Variants in DNAH17 observed in about 807,000 individuals in gnomAD.
DNAH17 encodes the protein axonemal beta dynein heavy chain 17.
A neutral mutation model predicts 485.6 loss-of-function variants in DNAH17; 376 were observed. The observed-to-expected ratio is 0.77, with a 90% CI of 0.71 to 0.84. DNAH17 has a LOEUF of 0.84. Ranked by LOEUF, DNAH17 falls within the 40% of genes least tolerant of loss-of-function variation. DNAH17 has a pLI of 0.00. For missense variants in DNAH17, 6,370 were observed against 5,839.3 expected (o/e 1.09, Z -2.96); for synonymous variants, 3,031 against 2,405.9 (o/e 1.26, Z -7.60).
rs651806 is a variant in DNAH17, at chr17:78,428,401, A to G, written c.12588+124T>C. 1,232,201 of 1,240,912 alleles carry G rather than the reference A, an allele frequency of 0.99. 612,222 individuals are homozygous for G. The highest frequency in any genetic ancestry group is 1 in the East Asian group (39,322 of 39,324). The allele number at this position is 1,240,912 out of a possible 1,614,324, so 76.9% of individuals were successfully genotyped here. The stretch of plus-strand genomic sequence containing the variant: ...CCCAGTGTTTCTGATACCCAAGCCC[A>G]AGGCTGGGGCAGAGTGTACCTCACC... On this transcript the variant is annotated intron_variant, in intron 77 of 80. Coordinates refer to ENST00000389840, the MANE Select transcript of DNAH17 (RefSeq NM_173628.4).
chr17:78,465,164 G>T lies in DNAH17; in HGVS notation c.8940+1491C>A, dbSNP rs1017928747. On this transcript the variant is annotated intron_variant, in intron 56 of 80. Transcript: ENST00000389840. ...CCAGGCCAGTCTCCAGCCCCTAACC[G>T]CAAGTGATCCGCCAGCCTCGGCCTC... 8.5e-5 allele frequency among the ~76,000 whole-genome samples: 13 copies of T among 152,332 alleles called. No individual in the cohort carries two copies. In the South Asian group the frequency reaches 2.1e-3, roughly 24 times the overall value.
At chr17:78,470,069 C>CTTTTTTTT (rs34298026) in intron 54 of DNAH17, among the ~76,000 whole-genome samples, 2 of 93,362 alleles carry the variant, frequency 2.1e-5, no homozygotes, top group African/African-American at 4.4e-5. Context: ...ATGTCTTACT[C>CTTTTTTTT]TTTTTTTTTT....
intron 31 of DNAH17, among the ~76,000 whole-genome samples, chr17:78,503,976 C>T (rs1160931974): frequency 7.5e-6 from 1 of 132,452 alleles, no homozygotes; most frequent in Non-Finnish European, 1.6e-5. Context: ...CAAAAACAAA[C>T]AAACAAACAA....
chr17:78,511,810 T>G (rs1455498588), intron 26 of DNAH17, among the ~76,000 whole-genome samples: 1 of 152,184 alleles, frequency 6.6e-6, no homozygotes, highest in African/African-American at 2.4e-5. Flanking sequence ...CATGGAGATA[T>G]TTAGCTGGTT....
chr17:78,569,085 G>A (rs934812404), intron 9 of DNAH17, 81 bp downstream of exon 9: 23 of 1,101,060 alleles, frequency 2.1e-5, no homozygotes, highest in South Asian at 2.0e-4. Flanking sequence ...GGCAAGGGGG[G>A]TAGGGATGGA....
intron 19 of DNAH17, among the ~76,000 whole-genome samples, chr17:78,533,877 G>A (rs1265647840): frequency 6.6e-6 from 1 of 152,008 alleles, no homozygotes; most frequent in East Asian, 1.9e-4. Flanking sequence ...TTAGAGGCGG[G>A]GTTTCACCGT....
At chr17:78,532,808 G>C in intron 19 of DNAH17, 72 bp from the exon 20 acceptor site, 1 of 1,454,564 alleles carries the variant, frequency 6.9e-7, no homozygotes, top group Non-Finnish European at 9.1e-7. Flanking sequence ...TTGTCCTCTC[G>C]GCCTTGAGAA....
At chr17:78,493,958 G>T in intron 41 of DNAH17, 78 bp downstream of exon 41, 3 of 1,512,842 alleles carry the variant, frequency 2.0e-6, no homozygotes, top group African/African-American at 1.4e-5. Flanking sequence ...GGCGGGGAGT[G>T]ATGGAGGGCC....
At chr17:78,525,206 C>T (rs751029336) in intron 24 of DNAH17, 45 bp from the exon 25 acceptor site, 15 of 1,592,918 alleles carry the variant, frequency 9.4e-6, no homozygotes, top group East Asian at 4.5e-5. Context: ...CTACCCTCAG[C>T]GGTGCCCCAC....
Position 78,450,831 on chromosome 17 carries a change from A to T in DNAH17, c.10750T>A (p.Ser3584Thr). 3 of 1,613,954 alleles carry T rather than the reference A, an allele frequency of 1.9e-6. No individual in the cohort carries two copies. Among genetic ancestry groups the T allele is most frequent in the Non-Finnish European group, 2.5e-6 (3 of 1,179,880 alleles). The change falls in exon 67 of 81, where the codon TCT (serine) becomes ACT (threonine). Residue 3584 changes from serine (S) to threonine (T), a missense_variant. Coordinates refer to ENST00000389840, the MANE Select transcript of DNAH17 (RefSeq NM_173628.4). ...AGAACAATCTTAAATTCGTTTTGAG[A>T]CTTGGTGAGGTTTGCCTGCAAGGGG... ...LEQLKANLTK[S>T]QNEFKIVLKE... is the part of the protein sequence containing the mutation.
At chr17:78,445,047 G>A (rs1000632262) in intron 70 of DNAH17, among the ~76,000 whole-genome samples, 2 of 152,150 alleles carry the variant, frequency 1.3e-5, no homozygotes, top group South Asian at 4.1e-4. Flanking sequence ...ATGGGCTAGG[G>A]GCTGCTTCTC....
At chr17:78,468,176 A>T (rs1459067732) in intron 55 of DNAH17, among the ~76,000 whole-genome samples, 4 of 152,116 alleles carry the variant, frequency 2.6e-5, no homozygotes, top group African/African-American at 4.8e-5. Context: ...AAAATAATAA[A>T]AAATAATACA....
rs55701739 is a variant in DNAH17, at chr17:78,554,436, C to CAAAAAA, written c.2179-1637_2179-1632dup. Among the ~76,000 whole-genome samples, 196 of 32,258 alleles carry CAAAAAA rather than the reference C, an allele frequency of 6.1e-3. 36 individuals carry two copies. Among genetic ancestry groups the CAAAAAA allele is most frequent in the Non-Finnish European group, 8.1e-3 (146 of 17,986 alleles). 21.2% of individuals were successfully genotyped at this position (32,258 alleles called of 152,430 possible). On this transcript the variant is annotated intron_variant, in intron 14 of 80. Coordinates refer to ENST00000389840, the MANE Select transcript of DNAH17 (RefSeq NM_173628.4). ...TGGACAATAGAATGAGACTCTGTCT[C>CAAAAAA]AAAAAAAAAAAAAAAAAAAAAAAAA...
At chr17:78,473,360 C>G (rs691800) in intron 54 of DNAH17, among the ~76,000 whole-genome samples, 1 of 151,938 alleles carries the variant, frequency 6.6e-6, no homozygotes, top group Middle Eastern at 3.4e-3. Flanking sequence ...CAGGCTAACA[C>G]GGTGAAACCC....
Position 78,532,525 on chromosome 17 carries a change from G to T in DNAH17, c.3071C>A (p.Thr1024Asn). Reference sequence around the variant, plus strand: ...CAGGGTGGGCGGTGTCTTGGGGATGGTGTCATCTGTCCAGGTGTCCAAGTC... The same window carrying T: ...CAGGGTGGGCGGTGTCTTGGGGATGTTGTCATCTGTCCAGGTGTCCAAGTC... Reference protein sequence around the residue: ...AEDLDTWTDDTIPKTPPTLAQ... With the variant: ...AEDLDTWTDDNIPKTPPTLAQ... Residue 1024 changes from threonine (T) to asparagine (N), a missense_variant, in exon 20 of 81, where the codon ACC becomes AAC. By Grantham distance (65) the Thr-to-Asn change is moderately conservative. Coordinates refer to ENST00000389840, the MANE Select transcript of DNAH17 (RefSeq NM_173628.4). 1 of 1,611,338 alleles carries T rather than the reference G, an allele frequency of 6.2e-7. No homozygotes were observed. The highest frequency in any genetic ancestry group is 8.5e-7 in the Non-Finnish European group (1 of 1,179,120).
chr17:78,550,452 T>C (rs1276120730), intron 16 of DNAH17, among the ~76,000 whole-genome samples: 1 of 152,262 alleles, frequency 6.6e-6, no homozygotes, highest in Non-Finnish European at 1.5e-5. Flanking sequence ...CATTTGGAGA[T>C]GAGAGCTTTA....
At chr17:78,562,047 G>C in intron 11 of DNAH17, 67 bp from the exon 12 acceptor site, 1 of 1,492,402 alleles carries the variant, frequency 6.7e-7, no homozygotes, top group South Asian at 1.4e-5. Flanking sequence ...TGTGGCTGTG[G>C]ACAAAACGGG....
intron 56 of DNAH17, 88 bp from the exon 57 acceptor site, chr17:78,463,165 A>T: frequency 7.9e-7 from 1 of 1,267,296 alleles, no homozygotes; most frequent in South Asian, 1.3e-5. Context: ...GGGGCCCTGG[A>T]CAAGGTGCCC....
chr17:78,492,400 T>C (rs1411498035), intron 42 of DNAH17, among the ~76,000 whole-genome samples: 1 of 152,082 alleles, frequency 6.6e-6, no homozygotes, highest in East Asian at 1.9e-4. Context: ...AGGCCTGCAG[T>C]CCTCACCGTC....
Sources: allele counts gnomAD v4.1 joint callset (sites outside exome capture counted in the v4.1 genomes callset), GRCh38; gene constraint gnomAD v4.1.1; transcripts MANE v1.5; gene names NCBI Gene and HGNC (gene_info 2026-07-23, HGNC 2026-07-21).